Variants in MYO18A observed in about 807,000 individuals in gnomAD.
The protein encoded by MYO18A is unconventional myosin-XVIIIa.
MYO18A carries 78 observed loss-of-function variants against 235.8 expected under a neutral mutation model. The ratio of observed to expected loss-of-function variants is 0.33; its 90% CI spans 0.28 to 0.40. The LOEUF (loss-of-function observed/expected upper bound fraction) is 0.40, where lower values mean the gene tolerates loss of function less well. Ranked by LOEUF, MYO18A falls within the 10% of genes least tolerant of loss-of-function variation. MYO18A has a pLI of 1.00. For synonymous variants in MYO18A, 977 were observed against 1,077.8 expected (o/e 0.91, Z 1.83); for missense variants, 2,215 against 2,699.3 (o/e 0.82, Z 3.98).
At chr17:29,176,463 A>T (rs979171026) in intron 1 of MYO18A, 38 of 152,098 alleles carry the variant, frequency 2.5e-4, no homozygotes, top group African/African-American at 9.2e-4. Flanking sequence ...GCTGTGGTGG[A>T]TAGATACTTA....
In MYO18A at chr17:29,162,823, C is replaced by T. The variant is rs979501090; in HGVS notation, c.999+3119G>A. On this transcript the variant is annotated intron_variant, in intron 2 of 41. Transcript: ENST00000527372. ...GATTTCTACCAGGCCACAAATCTACCCTACCACTGTGGCTCACCCCTGCTC... is the reference window on the plus strand; with the variant it reads ...GATTTCTACCAGGCCACAAATCTACTCTACCACTGTGGCTCACCCCTGCTC... 2.0e-5 allele frequency among the ~76,000 whole-genome samples: 3 copies of T among 152,326 alleles called. No individual in the cohort carries two copies. The East Asian group carries it at 5.8e-4, about 29-fold the overall frequency.
intron 2 of MYO18A, among the ~76,000 whole-genome samples, chr17:29,138,825 C>T (rs1332763184): frequency 6.6e-6 from 1 of 152,198 alleles, no homozygotes; most frequent in Non-Finnish European, 1.5e-5. Context: ...TGGAGGCACG[C>T]CCTGCCCTCC....
intron 39 of MYO18A, 78 bp downstream of exon 39, chr17:29,086,360 C>G: frequency 6.6e-7 from 1 of 1,512,062 alleles, no homozygotes. Context: ...TGCAACTGTT[C>G]TACCTGGTCG....
chr17:29,082,555 C>T (rs983319529), intron 40 of MYO18A, 117 bp from the exon 41 acceptor site: 77 of 1,045,146 alleles, frequency 7.4e-5, no homozygotes, highest in Admixed American at 6.5e-5. Flanking sequence ...GCATGCACGT[C>T]GGTGAGTCGG....
At chr17:29,097,062 A>C (rs2066535785) in intron 27 of MYO18A, 147 bp from the exon 28 acceptor site, 2 of 1,381,964 alleles carry the variant, frequency 1.4e-6, no homozygotes, top group East Asian at 5.0e-5. Context: ...CTCTAATGAT[A>C]GCTTGCTCCT....
intron 2 of MYO18A, among the ~76,000 whole-genome samples, chr17:29,152,093 C>A (rs1209684151): frequency 6.6e-6 from 1 of 152,108 alleles, no homozygotes; most frequent in Non-Finnish European, 1.5e-5. Context: ...AGAGACTTCA[C>A]TGGAGAGGTT....
Position 29,074,682 on chromosome 17 carries a change from G to A in MYO18A, c.*88C>T. 2 of 1,456,810 alleles carry A rather than the reference G, an allele frequency of 1.4e-6. No homozygotes were observed. Among genetic ancestry groups the A allele is most frequent in the South Asian group, 1.2e-5 (1 of 83,686 alleles). 90.2% of individuals were successfully genotyped at this position (1,456,810 alleles called of 1,614,324 possible). On this transcript the variant is annotated 3_prime_UTR_variant, in exon 42 of 42. Coordinates refer to ENST00000527372, the MANE Select transcript of MYO18A (RefSeq NM_078471.4). This position sits in a 1 kb window ranked among gnomAD's most constrained non-coding sequence, Gnocchi z 4.4. ...CCCATGCAGATCAGCAGTCGGGTGG[G>A]GGAGACCGGTGCCCCACCACTTCCT... is the stretch of plus-strand genomic sequence containing the variant.
In MYO18A at chr17:29,126,631, A is replaced by G. The variant is rs1157570212; in HGVS notation, c.1000-4378T>C. On this transcript the variant is annotated intron_variant, in intron 2 of 41. Coordinates refer to ENST00000527372, the MANE Select transcript of MYO18A (RefSeq NM_078471.4). This position sits in a 1 kb window ranked among gnomAD's most constrained non-coding sequence, Gnocchi z 4.1. ...TCAAGGCCTCTCAGGCTATTCCCCCATACCCTCCAGACCCCTCTCCTTCCA... is the reference window on the plus strand; with the variant it reads ...TCAAGGCCTCTCAGGCTATTCCCCCGTACCCTCCAGACCCCTCTCCTTCCA... Among the ~76,000 whole-genome samples, 3 of 152,152 alleles carry G rather than the reference A, an allele frequency of 2.0e-5. No individual in the cohort carries two copies. Among genetic ancestry groups the G allele is most frequent in the South Asian group, 4.1e-4 (2 of 4,834 alleles).
At position 29,121,384 on chromosome 17, in the gene MYO18A, GGTT is replaced by G. The variant is rs1244454392; in HGVS notation, c.1371+160_1371+162del. 2.0e-5 allele frequency among the ~76,000 whole-genome samples: 3 copies of G among 152,254 alleles called. No individual in the cohort carries two copies. Among genetic ancestry groups the G allele is most frequent in the Non-Finnish European group, 2.9e-5 (2 of 68,050 alleles). ...ACACTAAGTCCTGGACTCCATCAAA[GGTT>G]GTGGGGAGGTCCTGTCCCCCATCTC... On this transcript the variant is annotated intron_variant, in intron 5 of 41. Coordinates refer to ENST00000527372, the MANE Select transcript of MYO18A (RefSeq NM_078471.4). The surrounding 1 kb of genome is among the most constrained non-coding windows in gnomAD (Gnocchi z 4.2).
At position 29,097,387 on chromosome 17, in the gene MYO18A, C is replaced by T. The variant is rs1476034833; in HGVS notation, c.4103-37G>A. 5.6e-6 allele frequency: 9 copies of T among 1,601,118 alleles called. 1 individual carries two copies. In the Middle Eastern group the frequency reaches 8.3e-4, roughly 147 times the overall value. On this transcript the variant is annotated intron_variant, in intron 26 of 41. Coordinates refer to ENST00000527372, the MANE Select transcript of MYO18A (RefSeq NM_078471.4). Reference sequence around the variant, plus strand: ...AGGCAGACAAGGGAGGATGGAGGTGCTGAGAGTCCCCAGAAGGGGCAGAGG... The same window carrying T: ...AGGCAGACAAGGGAGGATGGAGGTGTTGAGAGTCCCCAGAAGGGGCAGAGG...
At chr17:29,107,302 AG>A in intron 19 of MYO18A, 113 bp from the exon 20 acceptor site, 3 of 972,368 alleles carry the variant, frequency 3.1e-6, no homozygotes, top group Non-Finnish European at 4.9e-6. Context: ...AAGAAACTGC[AG>A]GGGGTGGGGA....
rs111537368 is a variant in MYO18A at position 29,092,260 on chromosome 17, T to C, written c.5187+83A>G. On this transcript the variant is annotated intron_variant, in intron 34 of 41. Transcript: ENST00000527372. ...TCACAAGTCCTGACGTGGAGGGACC[T>C]GTCTAGGGTGAAGGGAGCCACAGAG... 6.5e-4 allele frequency: 646 copies of C among 1,000,946 alleles called. 3 individuals are homozygous for C. The African/African-American group carries it at 8.5e-3, about 13-fold the overall frequency. 62.0% of individuals were successfully genotyped at this position (1,000,946 alleles called of 1,614,324 possible).
In MYO18A at chr17:29,117,050, C is replaced by T. The variant is rs2067089789; in HGVS notation, c.2039-595G>A. ...CTGGGCACCCATTCCTCCATACACC[C>T]ACCACCTGCCAGGACTTTCTCACTC... On this transcript the variant is annotated intron_variant, in intron 10 of 41. Transcript: ENST00000527372. This position sits in a 1 kb window ranked among gnomAD's most constrained non-coding sequence, Gnocchi z 4.6. Among the ~76,000 whole-genome samples the T allele has an allele frequency of 6.6e-6, 1 of 152,086 alleles. No individual in the cohort carries two copies. The highest frequency in any genetic ancestry group is 2.4e-5 in the African/African-American group (1 of 41,394).
At chr17:29,119,279 C>T in intron 8 of MYO18A, 56 bp downstream of exon 8, 1 of 1,369,268 alleles carries the variant, frequency 7.3e-7, no homozygotes, top group Non-Finnish European at 1.0e-6. Flanking sequence ...GGTCCAGGAG[C>T]CCAGTCAGTG....
intron 38 of MYO18A, 36 bp from the exon 39 acceptor site, chr17:29,086,613 C>T (rs1429399653): frequency 6.2e-7 from 1 of 1,605,664 alleles, no homozygotes; most frequent in East Asian, 2.2e-5. Context: ...TGCAGGAGGG[C>T]TAGCTTCTCC....
chr17:29,155,122 G>A (rs752512969), intron 2 of MYO18A: 1 of 152,278 alleles, frequency 6.6e-6, no homozygotes, highest in Non-Finnish European at 1.5e-5. Flanking sequence ...CCAGGGCTGA[G>A]ATAGATCTTC....
intron 37 of MYO18A, 143 bp from the exon 38 acceptor site, chr17:29,087,264 G>T: frequency 1.3e-6 from 1 of 795,052 alleles, no homozygotes; most frequent in Non-Finnish European, 2.0e-6. Flanking sequence ...AAGCAACCCC[G>T]AAGCTTCCCT....
chr17:29,175,288 T>C (rs992803076), intron 1 of MYO18A, among the ~76,000 whole-genome samples: 5 of 152,066 alleles, frequency 3.3e-5, no homozygotes, highest in Non-Finnish European at 7.4e-5. Context: ...ATTCATCTGG[T>C]AAATGTGTAT....
chr17:29,176,840 G>A (rs1268669255), intron 1 of MYO18A: 1 of 152,102 alleles, frequency 6.6e-6, no homozygotes, highest in Non-Finnish European at 1.5e-5. Context: ...CCCTCACGCC[G>A]CCGCGCGGGG....
Sources: allele counts gnomAD v4.1 joint callset (sites outside exome capture counted in the v4.1 genomes callset), GRCh38; gene constraint gnomAD v4.1.1; non-coding constraint Gnocchi (gnomAD v3.1); transcripts MANE v1.5; gene names NCBI Gene and HGNC (gene_info 2026-07-23, HGNC 2026-07-21).